ABCA13: variants seen among roughly 807,000 people sequenced by gnomAD.
The protein encoded by ABCA13 is ATP binding cassette subfamily A member 13.
In ABCA13, 476 loss-of-function variants were observed where a neutral mutation model predicts 478.7. That is an observed-to-expected ratio of 0.99 (90% CI 0.92 to 1.07). ABCA13 has a LOEUF of 1.07. Ranked by LOEUF, ABCA13 falls within the 50% of genes least tolerant of loss-of-function variation. The probability of loss-of-function intolerance (pLI) is 0.00; values close to 1 mark genes in which losing one functional copy is unlikely to be tolerated. For synonymous variants in ABCA13, 2,252 were observed against 2,158.9 expected, an observed-to-expected ratio of 1.04 and a Z score of -1.20; for missense variants, 6,060 against 5,910.6, an observed-to-expected ratio of 1.03 and a Z score of -0.83.
At chr7:48,638,451 ATTGAGGCTGTTT>A (rs1478722139) in intron 59 of ABCA13, among the ~76,000 whole-genome samples, 2 of 152,222 alleles carry the variant, frequency 1.3e-5, no homozygotes, top group African/African-American at 2.4e-5. Flanking sequence ...TCAGAAGTGT[ATTGAGGCTGTTT>A]TCAAAGAGGT....
chr7:48,350,309 C>A (rs1290076094), intron 29 of ABCA13, among the ~76,000 whole-genome samples: 1 of 152,080 alleles, frequency 6.6e-6, no homozygotes. Context: ...GTGAGAGGGT[C>A]TTTCCTATCA....
At chr7:48,455,519 C>A (rs2129744483) in intron 43 of ABCA13, among the ~76,000 whole-genome samples, 1 of 152,356 alleles carries the variant, frequency 6.6e-6, no homozygotes, top group South Asian at 2.1e-4. Flanking sequence ...TCCTGAGCCC[C>A]TGACCCCTCC....
chr7:48,231,656 C>CTATTATTAT (rs151023674), intron 7 of ABCA13, among the ~76,000 whole-genome samples: 2,907 of 150,742 alleles, frequency 0.019, 33 homozygotes, highest in Middle Eastern at 0.056. Flanking sequence ...GTCTCCTGAA[C>CTATTATTAT]TATTATTATT....
chr7:48,202,935 C>G (rs1020402530), intron 3 of ABCA13, among the ~76,000 whole-genome samples: 1 of 152,194 alleles, frequency 6.6e-6, no homozygotes, highest in African/African-American at 2.4e-5. Context: ...CTTGGGCGGT[C>G]GATGGGACTG....
chr7:48,184,541 C>T (rs1387006478), intron 1 of ABCA13, among the ~76,000 whole-genome samples: 4 of 152,060 alleles, frequency 2.6e-5, no homozygotes, highest in African/African-American at 9.7e-5. Context: ...TACTTTTGGC[C>T]AGGTGTGATG....
Position 48,296,975 on chromosome 7 carries a change from A to G in ABCA13, c.9120-257A>G, listed in dbSNP as rs1799466240. Among the ~76,000 whole-genome samples the G allele has an allele frequency of 2.0e-5, 3 of 152,144 alleles. No homozygotes were observed. In the South Asian group the frequency reaches 6.2e-4, roughly 32 times the overall value. Reference sequence around the variant, plus strand: ...TCACAGTTGTGAAAAGCCATTTATTATGCATCCTCATTCCCCTGGTTCATC... The same window carrying G: ...TCACAGTTGTGAAAAGCCATTTATTGTGCATCCTCATTCCCCTGGTTCATC... On this transcript the variant is annotated intron_variant, in intron 21 of 61. Coordinates refer to ENST00000435803, the MANE Select transcript of ABCA13 (RefSeq NM_152701.5).
At chr7:48,494,752 T>C (rs747005082) in intron 48 of ABCA13, among the ~76,000 whole-genome samples, 4 of 151,918 alleles carry the variant, frequency 2.6e-5, no homozygotes, top group Admixed American at 6.6e-5. Context: ...AAGAAGAAAA[T>C]GCCAGGCTGA....
chr7:48,473,925 G>A (rs1361367649), intron 45 of ABCA13, among the ~76,000 whole-genome samples: 4 of 152,228 alleles, frequency 2.6e-5, no homozygotes, highest in Non-Finnish European at 5.9e-5. Flanking sequence ...CGCTTAGTGA[G>A]CACTCAGAGT....
chr7:48,184,335 A>G (rs1796082163), intron 1 of ABCA13, among the ~76,000 whole-genome samples: 1 of 152,210 alleles, frequency 6.6e-6, no homozygotes, highest in Non-Finnish European at 1.5e-5. Context: ...TATCAGTTAT[A>G]CATGTTGAAA....
At chr7:48,420,226 A>C (rs549560601) in intron 41 of ABCA13, among the ~76,000 whole-genome samples, 1 of 152,310 alleles carries the variant, frequency 6.6e-6, no homozygotes, top group East Asian at 1.9e-4. Flanking sequence ...GAATACACTT[A>C]CTATAAATTA....
intron 42 of ABCA13, among the ~76,000 whole-genome samples, chr7:48,454,177 C>T (rs766346549): frequency 1.3e-5 from 2 of 152,186 alleles, no homozygotes; most frequent in Non-Finnish European, 2.9e-5. Context: ...GAAAAACTAT[C>T]ACCACAGCTG....
chr7:48,546,404 A>G (rs925802290), intron 55 of ABCA13, among the ~76,000 whole-genome samples: 4 of 151,822 alleles, frequency 2.6e-5, no homozygotes, highest in African/African-American at 9.7e-5. Context: ...AAAGAACATA[A>G]TGAATCAAAA....
chr7:48,626,839 G>A (rs2131617683), intron 59 of ABCA13: 1 of 985,470 alleles, frequency 1.0e-6, no homozygotes, highest in Admixed American at 6.1e-5. Flanking sequence ...TGTTCCTAGG[G>A]ACACTGATGG....
At position 48,644,738 on chromosome 7, in the gene ABCA13, A is replaced by T; in HGVS notation, c.15065A>T (p.Gln5022Leu). ...AATATTAAGCATTATTCCATTAACC[A>T]AACCACTTTGGAGCAGGTATAGTAT... ...FLNIKHYSIN[Q>L]TTLEQVFINF... The change falls in exon 61 of 62, where the codon CAA becomes CTA. Residue 5022 changes from glutamine to leucine, a missense_variant. Coordinates refer to ENST00000435803, the MANE Select transcript of ABCA13 (RefSeq NM_152701.5). 6.2e-7 allele frequency: 1 copy of T among 1,602,728 alleles called. No individual in the cohort carries two copies. Among genetic ancestry groups the T allele is most frequent in the Non-Finnish European group, 8.5e-7 (1 of 1,176,744 alleles).
At chr7:48,406,965 A>G (rs1818347847) in intron 39 of ABCA13, among the ~76,000 whole-genome samples, 1 of 152,134 alleles carries the variant, frequency 6.6e-6, no homozygotes, top group South Asian at 2.1e-4. Flanking sequence ...TTTCCTTAAC[A>G]GCCACTAAAA....
intron 55 of ABCA13, among the ~76,000 whole-genome samples, chr7:48,558,900 G>C (rs4917162): frequency 0.24 from 37,002 of 152,154 alleles, 4,866 homozygotes; most frequent in Middle Eastern, 0.34. Flanking sequence ...AGTGTTTACA[G>C]TCTGGGCTTG....
At position 48,455,049 on chromosome 7, in the gene ABCA13, C is replaced by A; in HGVS notation, c.12578C>A (p.Ala4193Glu). 6.6e-7 allele frequency: 1 copy of A among 1,524,030 alleles called. No individual in the cohort carries two copies. The highest frequency in any genetic ancestry group is 8.8e-7 in the Non-Finnish European group (1 of 1,137,406). The allele number at this position is 1,524,030 out of a possible 1,614,324, so 94.4% of individuals were successfully genotyped here. Residue 4193 changes from alanine (A) to glutamate (E), a missense_variant, in exon 43 of 62, where the codon GCA becomes GAA. By Grantham distance (107) the Ala-to-Glu change is moderately radical. This residue lies in a region of ABCA13 where 1,627 missense variants were observed against 1,571.0 expected (regional missense o/e 1.04). Coordinates refer to ENST00000435803, the MANE Select transcript of ABCA13 (RefSeq NM_152701.5). Reference sequence around the variant, plus strand: ...GCCCGTCCTGCAGGTGGCTCCCTAGCACGGCCCGCAACTGTGCAGGGCGTC... The same window carrying A: ...GCCCGTCCTGCAGGTGGCTCCCTAGAACGGCCCGCAACTGTGCAGGGCGTC... ...GHLSGYCGSLARPATVQGVQL... is the reference protein window; with the variant it reads ...GHLSGYCGSLERPATVQGVQL...
At chr7:48,271,017 A>G (rs1562924350) in intron 16 of ABCA13, among the ~76,000 whole-genome samples, 1 of 152,224 alleles carries the variant, frequency 6.6e-6, no homozygotes, top group Non-Finnish European at 1.5e-5. Flanking sequence ...AAGTGTTAAT[A>G]CGGTGATGAT....
At chr7:48,411,021 TTC>T (rs1348514261) in intron 40 of ABCA13, among the ~76,000 whole-genome samples, 4 of 118,854 alleles carry the variant, frequency 3.4e-5, no homozygotes, top group East Asian at 5.1e-4. Flanking sequence ...CTTTCTTTCT[TTC>T]TTTCTTTCTT....
Sources: allele counts gnomAD v4.1 joint callset (sites outside exome capture counted in the v4.1 genomes callset), GRCh38; gene constraint gnomAD v4.1.1; regional missense constraint gnomAD v4.1.1; transcripts MANE v1.5; gene names NCBI Gene and HGNC (gene_info 2026-07-23, HGNC 2026-07-21).